RNF150: variants seen among roughly 807,000 people sequenced by gnomAD.
The protein encoded by RNF150 is ring finger protein 150.
In RNF150, 24 loss-of-function variants were observed where a neutral mutation model predicts 39.3. That is an observed-to-expected ratio of 0.61 (90% CI 0.44 to 0.86). RNF150 has a LOEUF of 0.86. RNF150 is among the 40% of genes least tolerant of loss of function. The pLI is 0.00. For synonymous variants in RNF150, 255 were observed against 227.3 expected, an observed-to-expected ratio of 1.12 and a Z score of -1.10; for missense variants, 502 against 587.8, an observed-to-expected ratio of 0.85 and a Z score of 1.51.
At chr4:141,153,866 G>A (rs994314760) in intron 1 of RNF150, among the ~76,000 whole-genome samples, 1 of 152,138 alleles carries the variant, frequency 6.6e-6, no homozygotes. Context: ...GAGGTATGCA[G>A]CAGTGAGCAT....
intron 1 of RNF150, among the ~76,000 whole-genome samples, chr4:141,178,002 C>A (rs1447184157): frequency 2.6e-5 from 4 of 151,998 alleles, no homozygotes; most frequent in African/African-American, 9.7e-5. Flanking sequence ...AATATTGTAT[C>A]TCAAAATATC....
intron 1 of RNF150, among the ~76,000 whole-genome samples, chr4:141,026,258 G>C (rs953651982): frequency 2.0e-5 from 3 of 152,172 alleles, no homozygotes; most frequent in Non-Finnish European, 2.9e-5. Flanking sequence ...AGAATGAATA[G>C]ATCAAGGAGA....
At position 141,132,648 on chromosome 4, in the gene RNF150, T is replaced by C. The variant is rs576291784; in HGVS notation, c.161A>G (p.Asp54Gly). The change falls in exon 1 of 7, where the codon GAC (aspartate) becomes GGC (glycine). Residue 54 changes from aspartate (D) to glycine (G), a missense_variant. By Grantham distance (94) the Asp-to-Gly change is moderately conservative. Transcript: ENST00000515673. This position sits in a 1 kb window ranked among gnomAD's most constrained non-coding sequence, Gnocchi z 4.9. ...VNITYAEPAPDPGAGAAGGGG... is the reference protein window; with the variant it reads ...VNITYAEPAPGPGAGAAGGGG... Reference sequence around the variant, plus strand: ...GCCGCCCGCCGCCCCGGCCCCGGGGTCCGGCGCGGGCTCGGCGTAGGTGAT... The same window carrying C: ...GCCGCCCGCCGCCCCGGCCCCGGGGCCCGGCGCGGGCTCGGCGTAGGTGAT... 87 of 1,599,208 alleles carry C rather than the reference T, an allele frequency of 5.4e-5. 1 individual carries two copies. In the South Asian group the frequency reaches 9.0e-4, roughly 17 times the overall value.
chr4:140,949,296 A>G lies in RNF150; in HGVS notation c.807+5T>C. 4 of 1,609,042 alleles carry G rather than the reference A, an allele frequency of 2.5e-6. No individual in the cohort carries two copies. The highest frequency in any genetic ancestry group is 3.4e-6 in the Non-Finnish European group (4 of 1,176,966). ...CTCACCAAAAAGAAAAGAGGCTGCT[A>G]TTACCTTGTCACCCTTCTTGATGGT... is the stretch of plus-strand genomic sequence containing the variant. On this transcript the variant is annotated splice_donor_5th_base_variant and intron_variant, in intron 3 of 6. Coordinates refer to ENST00000515673, the MANE Select transcript of RNF150 (RefSeq NM_020724.2).
At chr4:141,151,262 T>C (rs1317493604) in intron 1 of RNF150, among the ~76,000 whole-genome samples, 1 of 152,028 alleles carries the variant, frequency 6.6e-6, no homozygotes, top group East Asian at 1.9e-4. Flanking sequence ...TTTTTTATAG[T>C]TGTATAAGAG....
At chr4:140,928,132 C>A (rs1478150233) in intron 4 of RNF150, among the ~76,000 whole-genome samples, 2 of 149,958 alleles carry the variant, frequency 1.3e-5, no homozygotes, top group Non-Finnish European at 2.9e-5. Context: ...AGAATCAGCA[C>A]AATGGTGATT....
chr4:141,041,667 T>G (rs1293498593), intron 1 of RNF150, among the ~76,000 whole-genome samples: 2 of 152,208 alleles, frequency 1.3e-5, no homozygotes, highest in East Asian at 1.9e-4. Context: ...TTCTTGCCAC[T>G]AGAAATAATT....
chr4:141,118,242 TGG>T (rs1373193578), intron 1 of RNF150, among the ~76,000 whole-genome samples: 2 of 152,202 alleles, frequency 1.3e-5, no homozygotes, highest in Admixed American at 1.3e-4. Context: ...CACTGGCAGT[TGG>T]AGAAGGTTAG....
At chr4:140,947,598 C>A in intron 4 of RNF150, 56 bp downstream of exon 4, 2 of 1,349,274 alleles carry the variant, frequency 1.5e-6, no homozygotes, top group South Asian at 1.2e-5. Flanking sequence ...AGGGAGGCCA[C>A]GCAGGCACGC....
rs1472540950 is a variant in RNF150, at chr4:140,882,260, C to T, written c.1199-13881G>A. 2.0e-5 allele frequency among the ~76,000 whole-genome samples: 3 copies of T among 152,306 alleles called. No homozygotes were observed. In the East Asian group the frequency reaches 5.8e-4, roughly 29 times the overall value. ...GGTCTCGATCTGCTGACCTCGTGATCCACCCGCCTCGGCCTCCCAGAGTGC... is the reference window on the plus strand; with the variant it reads ...GGTCTCGATCTGCTGACCTCGTGATTCACCCGCCTCGGCCTCCCAGAGTGC... On this transcript the variant is annotated intron_variant, in intron 6 of 6. Transcript: ENST00000515673.
chr4:141,160,356 G>C (rs1268150190), intron 1 of RNF150, among the ~76,000 whole-genome samples: 2 of 152,180 alleles, frequency 1.3e-5, no homozygotes, highest in Non-Finnish European at 2.9e-5. Flanking sequence ...GGGAAATGCT[G>C]GTTGGCAGGC....
At chr4:140,901,309 T>G (rs1393231674) in intron 6 of RNF150, among the ~76,000 whole-genome samples, 1 of 24,174 alleles carries the variant, frequency 4.1e-5, no homozygotes, top group African/African-American at 7.3e-5. Flanking sequence ...TAATGATAAA[T>G]AATAAATCAG....
At chr4:141,046,414 G>A (rs1560707707) in intron 1 of RNF150, among the ~76,000 whole-genome samples, 1 of 152,142 alleles carries the variant, frequency 6.6e-6, no homozygotes. Flanking sequence ...ACTTATTACT[G>A]GAGCATTCTA....
chr4:140,914,128 T>G (rs1000730446), intron 5 of RNF150, among the ~76,000 whole-genome samples: 34 of 152,254 alleles, frequency 2.2e-4, no homozygotes, highest in African/African-American at 8.2e-4. Context: ...TGCAGTTTTT[T>G]TGTTCTTCAT....
intron 1 of RNF150, among the ~76,000 whole-genome samples, chr4:141,090,301 T>C (rs1455892332): frequency 1.3e-5 from 2 of 152,210 alleles, no homozygotes; most frequent in South Asian, 2.1e-4. Context: ...AAGTCAGTAT[T>C]ACTTGGATTT....
chr4:141,163,132 A>C (rs1187340005), intron 1 of RNF150, among the ~76,000 whole-genome samples: 1 of 152,168 alleles, frequency 6.6e-6, no homozygotes, highest in Non-Finnish European at 1.5e-5. Context: ...GGTACCCACC[A>C]TTACTAAGGC....
Position 141,001,247 on chromosome 4 carries a change from T to C in RNF150, c.485-33374A>G, listed in dbSNP as rs1200357114. Reference sequence around the variant, plus strand: ...CATAATAAATTGAATTGTGTGTTATTCCATCAAAACCTCTCTTTCTCCCTC... The same window carrying C: ...CATAATAAATTGAATTGTGTGTTATCCCATCAAAACCTCTCTTTCTCCCTC... On this transcript the variant is annotated intron_variant, in intron 1 of 6. Coordinates refer to ENST00000515673, the MANE Select transcript of RNF150 (RefSeq NM_020724.2). 2.6e-5 allele frequency among the ~76,000 whole-genome samples: 4 copies of C among 152,158 alleles called. No individual in the cohort carries two copies. The South Asian group carries it at 8.3e-4, about 32-fold the overall frequency.
At chr4:140,994,470 CACACACACACA>C (rs1287489081) in intron 1 of RNF150, among the ~76,000 whole-genome samples, 2 of 150,754 alleles carry the variant, frequency 1.3e-5, no homozygotes, top group Non-Finnish European at 3.0e-5. Context: ...TGTGTGCACG[CACACACACACA>C]ACACACACAC....
intron 1 of RNF150, among the ~76,000 whole-genome samples, chr4:140,974,415 G>A (rs2111440888): frequency 6.6e-6 from 1 of 152,264 alleles, no homozygotes; most frequent in East Asian, 1.9e-4. Context: ...GCCAATTGAT[G>A]GACATACGGA....
Sources: gnomAD v4.1 joint callset for allele counts (sites outside exome capture counted in the v4.1 genomes callset) on GRCh38, gnomAD v4.1.1 for gene constraint, Gnocchi (gnomAD v3.1) non-coding constraint, MANE v1.5 for transcripts, NCBI Gene and HGNC (gene_info 2026-07-23, HGNC 2026-07-21) for gene names.